MAD1L1: variants seen among roughly 807,000 people sequenced by gnomAD.
The protein encoded by MAD1L1 is mitotic spindle assembly checkpoint protein MAD1.
A neutral mutation model predicts 96.9 loss-of-function variants in MAD1L1; 95 were observed. The observed-to-expected ratio is 0.98, with a 90% confidence interval of 0.83 to 1.16. The LOEUF (loss-of-function observed/expected upper bound fraction) is 1.16, where lower values mean the gene tolerates loss of function less well. Among genes scored for constraint, MAD1L1 ranks in the 50% most tolerant of loss-of-function variants. The pLI is 0.00. For missense variants in MAD1L1, 1,007 were observed against 954.4 expected, an observed-to-expected ratio of 1.06 and a Z score of -0.73; for synonymous variants, 473 against 396.6, an observed-to-expected ratio of 1.19 and a Z score of -2.29.
intron 5 of MAD1L1, chr7:2,221,118 C>T (rs1793583260): frequency 8.4e-7 from 1 of 1,196,370 alleles, no homozygotes; most frequent in Non-Finnish European, 1.2e-6. Flanking sequence ...AAAGCAGCAG[C>T]ACCTGCAGCG....
intron 12 of MAD1L1, among the ~76,000 whole-genome samples, chr7:2,051,488 T>C (rs1182406039): frequency 6.6e-6 from 1 of 152,140 alleles, no homozygotes; most frequent in African/African-American, 2.4e-5. Flanking sequence ...AAGAGCCACG[T>C]GGCTCAGCAG....
Position 1,816,100 on chromosome 7 carries a change from G to A in MAD1L1, c.2127C>T (p.Leu709=), listed in dbSNP as rs765437161. 8.4e-5 allele frequency: 135 copies of A among 1,612,180 alleles called. No individual in the cohort carries two copies. The highest frequency in any genetic ancestry group is 1.9e-4 in the Middle Eastern group (1 of 5,356). The change falls in exon 19 of 19, where the codon CTC becomes CTT. Residue 709 remains leucine (L), a synonymous_variant. Coordinates refer to ENST00000265854, the MANE Select transcript of MAD1L1 (RefSeq NM_001013836.2). ...CCACGGTCTGGCGGCTGAAGAGCTC[G>A]AGGGTGAGCGAGCTGAGGAAGGCAG... The part of the protein sequence containing the change: ...SIPAFLSSLT[L]ELFSRQTVA
At chr7:2,101,043 T>A (rs1786756465) in intron 11 of MAD1L1, among the ~76,000 whole-genome samples, 2 of 152,224 alleles carry the variant, frequency 1.3e-5, no homozygotes, top group Admixed American at 1.3e-4. Context: ...ACTTTCCCCA[T>A]CAGCAAGAGG....
intron 11 of MAD1L1, among the ~76,000 whole-genome samples, chr7:2,073,531 T>TCTCCCCGATCCGCTGG (rs1562660585): frequency 1.3e-5 from 2 of 152,136 alleles, no homozygotes; most frequent in Non-Finnish European, 2.9e-5. Flanking sequence ...TAGGTCACCA[T>TCTCCCCGATCCGCTGG]CTCCCCGATC....
intron 10 of MAD1L1, among the ~76,000 whole-genome samples, chr7:2,156,182 G>A (rs959564819): frequency 8.2e-5 from 12 of 146,716 alleles, no homozygotes; most frequent in Non-Finnish European, 1.7e-4. Context: ...GTTTCACGGC[G>A]CGTGTGGCGA....
At chr7:2,198,182 C>T (rs980685540) in intron 10 of MAD1L1, among the ~76,000 whole-genome samples, 1 of 151,962 alleles carries the variant, frequency 6.6e-6, no homozygotes, top group African/African-American at 2.4e-5. Context: ...TCTTGAACTC[C>T]CAGGCTCAAG....
chr7:1,920,517 CCATCG>C (rs1451772342), intron 17 of MAD1L1, among the ~76,000 whole-genome samples: 2 of 152,202 alleles, frequency 1.3e-5, no homozygotes, highest in African/African-American at 4.8e-5. Context: ...CGGGGGGAAC[CCATCG>C]CATGGAGTTG....
intron 18 of MAD1L1, among the ~76,000 whole-genome samples, chr7:1,834,747 A>C (rs1016612246): frequency 6.6e-6 from 1 of 152,134 alleles, no homozygotes; most frequent in Non-Finnish European, 1.5e-5. Context: ...TGTTTTAATC[A>C]AGAATTCTAC....
intron 12 of MAD1L1, among the ~76,000 whole-genome samples, chr7:2,060,010 G>A (rs1784567123): frequency 6.6e-6 from 1 of 152,212 alleles, no homozygotes; most frequent in South Asian, 2.1e-4. Flanking sequence ...GGTGGAACAT[G>A]TGGCATTCAT....
chr7:2,107,601 C>G (rs1335199979), intron 11 of MAD1L1: 1 of 152,474 alleles, frequency 6.6e-6, no homozygotes, highest in Non-Finnish European at 1.5e-5. Context: ...TCGTCTGTCC[C>G]GCTTGGTCAC....
chr7:1,941,149 G>C (rs2128466758), intron 16 of MAD1L1, among the ~76,000 whole-genome samples: 1 of 152,372 alleles, frequency 6.6e-6, no homozygotes, highest in Middle Eastern at 3.4e-3. Context: ...ACTTGCAGGA[G>C]GGGTCGGGGG....
intron 18 of MAD1L1, among the ~76,000 whole-genome samples, chr7:1,857,787 G>A (rs1297544500): frequency 6.6e-6 from 1 of 152,202 alleles, no homozygotes; most frequent in Admixed American, 6.5e-5. Flanking sequence ...CCAGCACGAC[G>A]CCCCCTCTGA....
intron 11 of MAD1L1, among the ~76,000 whole-genome samples, chr7:2,121,366 G>A (rs191038791): frequency 1.5e-3 from 227 of 152,374 alleles, no homozygotes; most frequent in African/African-American, 5.2e-3. Flanking sequence ...AGGCAGGGAT[G>A]AGGGAGGCTG....
At chr7:1,904,294 G>T (rs6976858) in intron 17 of MAD1L1, among the ~76,000 whole-genome samples, 65 of 137,208 alleles carry the variant, frequency 4.7e-4, no homozygotes, top group Admixed American at 1.0e-3. Flanking sequence ...AGTGGCCTAT[G>T]GAAGACGCTC....
intron 10 of MAD1L1, among the ~76,000 whole-genome samples, chr7:2,191,237 T>G (rs1791700211): frequency 6.6e-6 from 1 of 152,172 alleles, no homozygotes; most frequent in East Asian, 1.9e-4. Flanking sequence ...ACAGCCAGAC[T>G]GAGGGCAAGT....
intron 18 of MAD1L1, among the ~76,000 whole-genome samples, chr7:1,895,297 C>T (rs912411798): frequency 6.6e-6 from 1 of 152,184 alleles, no homozygotes; most frequent in Non-Finnish European, 1.5e-5. Context: ...GCCCCACTTA[C>T]TCCTGTGGGT....
intron 18 of MAD1L1, among the ~76,000 whole-genome samples, chr7:1,884,984 G>A (rs1478654255): frequency 6.6e-6 from 1 of 152,200 alleles, no homozygotes; most frequent in African/African-American, 2.4e-5. Flanking sequence ...TTTAGAATCG[G>A]GGATCACTGT....
chr7:1,985,857 C>T (rs914363643), intron 14 of MAD1L1, among the ~76,000 whole-genome samples: 6 of 152,104 alleles, frequency 3.9e-5, no homozygotes, highest in South Asian at 4.1e-4. Context: ...CCGGCCTCAC[C>T]GTCTCTTCTT....
At chr7:2,132,825 C>G (rs1788581780) in intron 11 of MAD1L1, among the ~76,000 whole-genome samples, 1 of 152,244 alleles carries the variant, frequency 6.6e-6, no homozygotes, top group South Asian at 2.1e-4. Context: ...TTCCCGACCC[C>G]TCCAAATCTC....
Sources: allele counts gnomAD v4.1 joint callset (sites outside exome capture counted in the v4.1 genomes callset), GRCh38; gene constraint gnomAD v4.1.1; transcripts MANE v1.5; gene names NCBI Gene and HGNC (gene_info 2026-07-23, HGNC 2026-07-21).